Variants in SIRPG observed in about 807,000 individuals in gnomAD.
The protein encoded by SIRPG is signal-regulatory protein gamma.
Under a neutral mutation model 35.7 loss-of-function variants are expected in SIRPG, and 38 were observed. The observed-to-expected ratio is 1.06, with a 90% confidence interval of 0.82 to 1.40. The LOEUF is 1.40. Ranked by LOEUF, SIRPG falls within the 40% of genes most tolerant of loss-of-function variation. The probability of loss-of-function intolerance (pLI) is 0.00; values close to 1 mark genes in which losing one functional copy is unlikely to be tolerated. For synonymous variants in SIRPG, 215 were observed against 190.4 expected, an observed-to-expected ratio of 1.13 and a Z score of -1.06; for missense variants, 519 against 483.0, an observed-to-expected ratio of 1.07 and a Z score of -0.70.
chr20:1,646,971 G>C (rs983501308), intron 2 of SIRPG: 1 of 152,236 alleles, frequency 6.6e-6, no homozygotes, highest in Non-Finnish European at 1.5e-5. Flanking sequence ...AATGCTTTTC[G>C]CTATAGAACT....
Position 1,649,178 on chromosome 20 carries a change from A to T in SIRPG, c.304T>A (p.Phe102Ile). Residue 102 changes from phenylalanine to isoleucine, a missense_variant, in exon 2 of 6, where the codon TTT (phenylalanine) becomes ATT (isoleucine). Phe to Ile is a conservative substitution (Grantham distance 21, BLOSUM62 0). Coordinates refer to ENST00000303415, the MANE Select transcript of SIRPG (RefSeq NM_018556.4). The stretch of plus-strand genomic sequence containing the variant: ...GTGATGCTACTGATGCGGATGGAAA[A>T]GTCCATGTTGTTTCTCTTTGTGAGG... ...SDLTKRNNMD[F>I]SIRISSITPA... 6.2e-7 allele frequency: 1 copy of T among 1,614,074 alleles called. No individual in the cohort carries two copies.
chr20:1,645,998 T>C (rs567480525), intron 2 of SIRPG: 2 of 152,338 alleles, frequency 1.3e-5, no homozygotes, highest in Admixed American at 1.3e-4. Flanking sequence ...CTAGGTGATT[T>C]ACAGAGAGAA....
At chr20:1,665,757 T>G in the SIRPG span, among the ~76,000 whole-genome samples, 1 of 152,246 alleles carries the variant, frequency 6.6e-6, no homozygotes, top group Non-Finnish European at 1.5e-5. Context: ...GGTTAGGTTA[T>G]GTATATTTTC....
chr20:1,638,454 T>C (rs1008271388), intron 2 of SIRPG: 1 of 152,054 alleles, frequency 6.6e-6, no homozygotes, highest in African/African-American at 2.4e-5. Flanking sequence ...AAGGCTCAAA[T>C]CCTGCTCCCT....
chr20:1,663,217 G>A, the SIRPG span, among the ~76,000 whole-genome samples: 2 of 152,182 alleles, frequency 1.3e-5, no homozygotes, highest in African/African-American at 2.4e-5. Context: ...GGAGGCTGAG[G>A]CAGGAGAATG....
At chr20:1,641,763 C>G (rs1481656282) in intron 2 of SIRPG, among the ~76,000 whole-genome samples, 6 of 152,150 alleles carry the variant, frequency 3.9e-5, no homozygotes, top group Non-Finnish European at 7.4e-5. Flanking sequence ...ACTGCTTTAG[C>G]TGTGTCCCAG....
chr20:1,634,091 A>C (rs142043061), intron 4 of SIRPG, among the ~76,000 whole-genome samples: 21 of 152,338 alleles, frequency 1.4e-4, no homozygotes, highest in Non-Finnish European at 2.6e-4. Flanking sequence ...GATGAATGGA[A>C]ATTTGCACTT....
chr20:1,669,178 A>G, the SIRPG span, among the ~76,000 whole-genome samples: 1 of 152,242 alleles, frequency 6.6e-6, no homozygotes, highest in African/African-American at 2.4e-5. Context: ...ACAGGCTGAT[A>G]GTGGCCCTGT....
chr20:1,667,732 T>G, the SIRPG span, among the ~76,000 whole-genome samples: 2 of 152,228 alleles, frequency 1.3e-5, no homozygotes, highest in African/African-American at 4.8e-5. Flanking sequence ...ATATGCTTGT[T>G]CATACATTGC....
intron 2 of SIRPG, among the ~76,000 whole-genome samples, chr20:1,640,603 C>T (rs532647861): frequency 3.4e-4 from 51 of 152,208 alleles, no homozygotes; most frequent in African/African-American, 1.1e-3. Flanking sequence ...CCCTTATTTC[C>T]TTCTCTTGCC....
At chr20:1,674,348 G>A in the SIRPG span, among the ~76,000 whole-genome samples, 3 of 152,116 alleles carry the variant, frequency 2.0e-5, no homozygotes, top group South Asian at 6.2e-4. Context: ...TCATAGCTTC[G>A]ACATCACACA....
At chr20:1,645,245 AC>A (rs1388386201) in intron 2 of SIRPG, among the ~76,000 whole-genome samples, 1 of 151,708 alleles carries the variant, frequency 6.6e-6, no homozygotes, top group Non-Finnish European at 1.5e-5. Context: ...TGAAGCACCC[AC>A]CCCCAGAAAA....
chr20:1,669,591 A>G, the SIRPG span, among the ~76,000 whole-genome samples: 1 of 152,240 alleles, frequency 6.6e-6, no homozygotes, highest in Non-Finnish European at 1.5e-5. Context: ...AGTCAGAGAA[A>G]GAACAGCAGG....
At chr20:1,672,733 G>C in the SIRPG span, among the ~76,000 whole-genome samples, 2 of 126,862 alleles carry the variant, frequency 1.6e-5, no homozygotes, top group Non-Finnish European at 3.4e-5. Context: ...TGGCTTTTCG[G>C]CCAATCATTT....
At chr20:1,650,737 A>G (rs1600223418) in intron 1 of SIRPG, among the ~76,000 whole-genome samples, 4 of 152,306 alleles carry the variant, frequency 2.6e-5, no homozygotes, top group Non-Finnish European at 4.4e-5. Flanking sequence ...AAATACATGA[A>G]TGCACAAATT....
At chr20:1,662,535 T>C (rs1173421414), upstream of SIRPG, among the ~76,000 whole-genome samples, 1 of 152,210 alleles carries the variant, frequency 6.6e-6, no homozygotes, top group East Asian at 1.9e-4. Flanking sequence ...TTGATACATT[T>C]TTAGAAAGAA....
chr20:1,655,265 T>A (rs188015137), intron 1 of SIRPG, among the ~76,000 whole-genome samples: 1 of 152,202 alleles, frequency 6.6e-6, no homozygotes, highest in Non-Finnish European at 1.5e-5. Context: ...AGCCAAGATA[T>A]GGAATCAACC....
At chr20:1,675,111 C>T in the SIRPG span, among the ~76,000 whole-genome samples, 2 of 152,226 alleles carry the variant, frequency 1.3e-5, no homozygotes, top group Non-Finnish European at 2.9e-5. Flanking sequence ...AGCCATAAAA[C>T]ACTATGGGCT....
chr20:1,668,252 T>A, the SIRPG span, among the ~76,000 whole-genome samples: 1 of 147,022 alleles, frequency 6.8e-6, no homozygotes, highest in African/African-American at 2.5e-5. Context: ...TCTTTCTTTT[T>A]CTTTTTCTTT....
Sources: gnomAD v4.1 joint callset for allele counts (sites outside exome capture counted in the v4.1 genomes callset) on GRCh38, gnomAD v4.1.1 for gene constraint, MANE v1.5 for transcripts, NCBI Gene and HGNC (gene_info 2026-07-23, HGNC 2026-07-21) for gene names.